PCNX1: variants seen among roughly 807,000 people sequenced by gnomAD.
PCNX1 encodes pecanex 1, also known as pecanex-like protein 1.
Under a neutral mutation model 242.2 loss-of-function variants are expected in PCNX1, and 78 were observed. The observed-to-expected ratio is 0.32, with a 90% CI of 0.27 to 0.39. The LOEUF is 0.39. PCNX1 is among the 10% of genes least tolerant of loss of function. The pLI is 1.00. For synonymous variants in PCNX1, 1,024 were observed against 1,032.9 expected (o/e 0.99, Z 0.17); for missense variants, 2,581 against 2,856.5 (o/e 0.90, Z 2.20).
chr14:70,937,377 T>C (rs1240267588), intron 1 of PCNX1, among the ~76,000 whole-genome samples: 1 of 152,236 alleles, frequency 6.6e-6, no homozygotes, highest in Admixed American at 6.5e-5. Flanking sequence ...CCAGCACCAT[T>C]TATTAAATAG....
rs767565369 is a variant in PCNX1, at chr14:71,076,340, G to A, written c.5258G>A (p.Arg1753Gln). The A allele has an allele frequency of 6.8e-6, 11 of 1,613,838 alleles. No individual in the cohort carries two copies. The highest frequency in any genetic ancestry group is 2.2e-5 in the East Asian group (1 of 44,878). ...NPNIDEDYDH[R>Q]LAGISRESFC... Reference sequence around the variant, plus strand: ...AACATTGATGAAGACTATGACCACCGACTGGCAGGCATATCTAGGGAGAGT... The same window carrying A: ...AACATTGATGAAGACTATGACCACCAACTGGCAGGCATATCTAGGGAGAGT... Residue 1753 changes from arginine to glutamine, a missense_variant, in exon 28 of 36, where the codon CGA becomes CAA. Physicochemically the swap from Arg to Gln is conservative, Grantham distance 43 (BLOSUM62 1). Around this residue, in one of 9 missense-constraint regions of PCNX1, gnomAD observed 298 missense variants for 480.1 expected, o/e 0.62. Transcript: ENST00000304743.
intron 27 of PCNX1, among the ~76,000 whole-genome samples, chr14:71,075,970 G>A (rs2061708036): frequency 6.6e-6 from 1 of 151,924 alleles, no homozygotes; most frequent in Non-Finnish European, 1.5e-5. Flanking sequence ...TAAAGTATTA[G>A]ATGTTTTTTC....
chr14:71,097,002 AC>A (rs1273236194), intron 30 of PCNX1, among the ~76,000 whole-genome samples: 1 of 151,748 alleles, frequency 6.6e-6, no homozygotes, highest in Admixed American at 6.6e-5. Flanking sequence ...CCTCCTCCCC[AC>A]CCCGCACCGG....
At chr14:71,025,491 T>C (rs1046539820) in intron 13 of PCNX1, among the ~76,000 whole-genome samples, 4 of 152,154 alleles carry the variant, frequency 2.6e-5, no homozygotes, top group Non-Finnish European at 5.9e-5. Flanking sequence ...GTAATCATTA[T>C]TGCTAGAATC....
intron 7 of PCNX1, among the ~76,000 whole-genome samples, chr14:70,992,642 A>T (rs4132848): frequency 0.55 from 83,034 of 151,988 alleles, 23,806 homozygotes; most frequent in East Asian, 0.74. Context: ...ATAGTAGAAA[A>T]GTTAACAATT....
At chr14:70,952,222 A>G (rs932591712) in intron 2 of PCNX1, among the ~76,000 whole-genome samples, 1 of 152,182 alleles carries the variant, frequency 6.6e-6, no homozygotes, top group Non-Finnish European at 1.5e-5. Flanking sequence ...TATTATATAT[A>G]TTTGTCATTG....
In PCNX1 at chr14:70,994,396, GATATATATATATATATATATAT is replaced by G. The variant is rs35068772; in HGVS notation, c.2445-1332_2445-1311del. 5.4e-3 allele frequency among the ~76,000 whole-genome samples: 520 copies of G among 96,970 alleles called. 12 individuals are homozygous for G. Among genetic ancestry groups the G allele is most frequent in the African/African-American group, 0.019 (497 of 26,020 alleles). 63.6% of individuals were successfully genotyped at this position (96,970 alleles called of 152,430 possible). On this transcript the variant is annotated intron_variant, in intron 7 of 35. Coordinates refer to ENST00000304743, the MANE Select transcript of PCNX1 (RefSeq NM_014982.3). ...TCTATTATCATAACCACAGGCTTAA[GATATATATATATATATATATAT>G]ATATATATATATGTATGTATGTATG...
intron 25 of PCNX1, among the ~76,000 whole-genome samples, chr14:71,057,185 G>T (rs1479203415): frequency 6.6e-6 from 1 of 151,766 alleles, no homozygotes; most frequent in Non-Finnish European, 1.5e-5. Context: ...CTCTTCCATG[G>T]TTTTAATTAT....
chr14:70,939,618 G>A (rs1357463223), intron 1 of PCNX1, among the ~76,000 whole-genome samples: 4 of 152,196 alleles, frequency 2.6e-5, no homozygotes, highest in Non-Finnish European at 4.4e-5. Flanking sequence ...GTTGATTTGG[G>A]GTGGAGAGTT....
At chr14:70,973,561 A>T (rs1595100545) in intron 5 of PCNX1, among the ~76,000 whole-genome samples, 2 of 152,048 alleles carry the variant, frequency 1.3e-5, no homozygotes, top group South Asian at 4.2e-4. Context: ...GAAGAATCAG[A>T]CAGTGAATAC....
At chr14:71,016,351 A>G (rs2059962518) in intron 11 of PCNX1, among the ~76,000 whole-genome samples, 1 of 152,202 alleles carries the variant, frequency 6.6e-6, no homozygotes, top group Non-Finnish European at 1.5e-5. Flanking sequence ...AATTATTTAG[A>G]AAATCAGTGA....
chr14:71,089,077 G>C, intron 29 of PCNX1, 115 bp from the exon 30 acceptor site: 1 of 760,106 alleles, frequency 1.3e-6, no homozygotes, highest in Non-Finnish European at 2.1e-6. Context: ...TTAGTTCCTG[G>C]AATCTGTATT....
Position 70,914,286 on chromosome 14 carries a change from A to G in PCNX1, c.153+6283A>G, listed in dbSNP as rs10136593. On this transcript the variant is annotated intron_variant, in intron 1 of 35. Transcript: ENST00000304743. ...AGAAGCCAAACCTCAGCATCACTTAATATGCCTATGTGACAAACCTGCACA... is the reference window on the plus strand; with the variant it reads ...AGAAGCCAAACCTCAGCATCACTTAGTATGCCTATGTGACAAACCTGCACA... Among the ~76,000 whole-genome samples the G allele has an allele frequency of 9.4e-3, 1,437 of 152,286 alleles. 12 individuals carry two copies. The highest frequency in any genetic ancestry group is 0.032 in the African/African-American group (1,334 of 41,546).
intron 28 of PCNX1, among the ~76,000 whole-genome samples, chr14:71,079,862 G>C (rs950679854): frequency 6.6e-6 from 1 of 152,090 alleles, no homozygotes; most frequent in Non-Finnish European, 1.5e-5. Flanking sequence ...CTGTACAGAA[G>C]CTTTTTAGTT....
chr14:71,036,207 C>G, intron 19 of PCNX1, 50 bp downstream of exon 19: 1 of 1,161,994 alleles, frequency 8.6e-7, no homozygotes, highest in Non-Finnish European at 1.3e-6. Context: ...GAGACAGGGT[C>G]TCACTCTGTC....
intron 13 of PCNX1, among the ~76,000 whole-genome samples, chr14:71,024,287 C>G (rs1205256649): frequency 6.6e-6 from 1 of 152,106 alleles, no homozygotes; most frequent in African/African-American, 2.4e-5. Flanking sequence ...TGGTACAATG[C>G]TGTCTTCTAA....
chr14:70,908,115 C>T (rs565708314), intron 1 of PCNX1, 112 bp downstream of exon 1: 11 of 1,039,752 alleles, frequency 1.1e-5, no homozygotes, highest in African/African-American at 3.4e-5. Context: ...GGGCCGCCAC[C>T]CTCTCGGTGT....
At chr14:71,023,890 A>G (rs1021043237) in intron 13 of PCNX1, among the ~76,000 whole-genome samples, 3 of 152,122 alleles carry the variant, frequency 2.0e-5, no homozygotes, top group Admixed American at 2.0e-4. Context: ...CACTGGAATA[A>G]TGAATAATGG....
chr14:70,951,366 G>A (rs189463110), intron 2 of PCNX1, among the ~76,000 whole-genome samples: 100 of 151,636 alleles, frequency 6.6e-4, no homozygotes, highest in African/African-American at 2.3e-3. Context: ...ATTTTTTTGG[G>A]GGGCGGGGGT....
Sources: allele counts gnomAD v4.1 joint callset (sites outside exome capture counted in the v4.1 genomes callset), GRCh38; gene constraint gnomAD v4.1.1; regional missense constraint gnomAD v4.1.1; transcripts MANE v1.5; gene names NCBI Gene and HGNC (gene_info 2026-07-23, HGNC 2026-07-21).